HMCN1: variants seen among roughly 807,000 people sequenced by gnomAD.
HMCN1 encodes hemicentin 1, also known as hemicentin-1.
In HMCN1, 321 loss-of-function variants were observed where a neutral mutation model predicts 625.9. That is an observed-to-expected ratio of 0.51 (90% CI 0.47 to 0.56). The LOEUF (loss-of-function observed/expected upper bound fraction) is 0.56. HMCN1 is among the 20% of genes least tolerant of loss of function. The pLI, the probability that HMCN1 is intolerant of heterozygous loss-of-function variation, is 0.00. For missense variants in HMCN1, 6,588 were observed against 6,887.3 expected, an observed-to-expected ratio of 0.96 and a Z score of 1.54; for synonymous variants, 2,425 against 2,417.6, an observed-to-expected ratio of 1.00 and a Z score of -0.09.
intron 1 of HMCN1, among the ~76,000 whole-genome samples, chr1:185,831,379 A>G (rs1388342320): frequency 6.6e-6 from 1 of 152,192 alleles, no homozygotes; most frequent in Non-Finnish European, 1.5e-5. Context: ...TTAACAGGGA[A>G]TAGATATATA....
chr1:185,765,762 G>C (rs1375294647), intron 1 of HMCN1, among the ~76,000 whole-genome samples: 1 of 152,134 alleles, frequency 6.6e-6, no homozygotes, highest in South Asian at 2.1e-4. Flanking sequence ...GCATTAACTG[G>C]GAACTTAGTA....
chr1:186,129,664 G>A (rs1239189433), intron 83 of HMCN1, among the ~76,000 whole-genome samples: 1 of 145,292 alleles, frequency 6.9e-6, no homozygotes, highest in Non-Finnish European at 1.5e-5. Context: ...CTCAGACTAC[G>A]AGCCAGCTTT....
chr1:186,070,553 TG>T, intron 51 of HMCN1, 58 bp from the exon 52 acceptor site: 1 of 1,405,576 alleles, frequency 7.1e-7, no homozygotes, highest in Non-Finnish European at 1.0e-6. Context: ...GTGATTTCTG[TG>T]GTATTCCATG....
intron 1 of HMCN1, among the ~76,000 whole-genome samples, chr1:185,771,614 G>A (rs1656246021): frequency 6.6e-6 from 1 of 152,018 alleles, no homozygotes; most frequent in Non-Finnish European, 1.5e-5. Context: ...AGATGATATG[G>A]CCACTTATTA....
chr1:186,151,102 A>G, intron 93 of HMCN1, 98 bp from the exon 94 acceptor site: 3 of 1,205,062 alleles, frequency 2.5e-6, no homozygotes, highest in South Asian at 1.3e-5. Context: ...TGTTTGAGAA[A>G]AGATTTGTAG....
In HMCN1 at chr1:185,893,760, T is replaced by A. The variant is rs1322331131; in HGVS notation, c.622-15577T>A. Among the ~76,000 whole-genome samples, 39 of 152,218 alleles carry A rather than the reference T, an allele frequency of 2.6e-4. 1 individual carries two copies. The highest frequency in any genetic ancestry group is 2.6e-3 in the Admixed American group (39 of 15,284). On this transcript the variant is annotated intron_variant, in intron 4 of 106. Transcript: ENST00000271588. Reference sequence around the variant, plus strand: ...AAAGTGCTTTTATGAATTATTGTTATTTTTCTTTTATTTTAAACTTTTCAT... The same window carrying A: ...AAAGTGCTTTTATGAATTATTGTTAATTTTCTTTTATTTTAAACTTTTCAT...
At chr1:186,000,421 GACTTT>G (rs1488984804) in intron 26 of HMCN1, among the ~76,000 whole-genome samples, 182 bp downstream of exon 26, 1 of 151,808 alleles carries the variant, frequency 6.6e-6, no homozygotes, top group Non-Finnish European at 1.5e-5. Flanking sequence ...TTTTTATTGT[GACTTT>G]ACATCATTCA....
Position 186,087,919 on chromosome 1 carries a change from C to T in HMCN1, c.9364-13C>T, listed in dbSNP as rs772211062. The stretch of plus-strand genomic sequence containing the variant: ...CTTAATGGAGCACATACAATAGTAT[C>T]TTTTTCTTTTAGGTATCTGACACAG... On this transcript the variant is annotated splice_polypyrimidine_tract_variant and intron_variant, in intron 60 of 106. Coordinates refer to ENST00000271588, the MANE Select transcript of HMCN1 (RefSeq NM_031935.3). The T allele has an allele frequency of 6.2e-7, 1 of 1,604,548 alleles. No individual in the cohort carries two copies.
intron 15 of HMCN1, among the ~76,000 whole-genome samples, chr1:185,973,411 CAAGTT>C (rs769609859): frequency 3.9e-5 from 6 of 152,058 alleles, no homozygotes; most frequent in Admixed American, 6.6e-5. Context: ...GGGCTTGAGA[CAAGTT>C]AAGTACTAAG....
intron 1 of HMCN1, among the ~76,000 whole-genome samples, chr1:185,787,755 G>T (rs1435979689): frequency 6.6e-6 from 1 of 152,154 alleles, no homozygotes; most frequent in African/African-American, 2.4e-5. Context: ...CATCCGTTGT[G>T]TAATTCTATG....
chr1:185,931,251 A>T (rs966904415), intron 10 of HMCN1, among the ~76,000 whole-genome samples: 1 of 151,888 alleles, frequency 6.6e-6, no homozygotes, highest in East Asian at 1.9e-4. Flanking sequence ...CTCCCTCATT[A>T]TTGAGGTTTC....
At chr1:185,922,573 T>C (rs1667056170) in intron 7 of HMCN1, 74 bp downstream of exon 7, 1 of 1,375,032 alleles carries the variant, frequency 7.3e-7, no homozygotes, top group Non-Finnish European at 1.0e-6. Context: ...CTGTCTATAA[T>C]TTTATAATTT....
At chr1:185,910,408 C>T (rs1236963458) in intron 5 of HMCN1, among the ~76,000 whole-genome samples, 2 of 152,044 alleles carry the variant, frequency 1.3e-5, no homozygotes, top group Admixed American at 6.6e-5. Context: ...GCAATAACAT[C>T]CATGTTACCA....
At chr1:186,093,866 A>G (rs577887786) in intron 66 of HMCN1, among the ~76,000 whole-genome samples, 197 bp downstream of exon 66, 75 of 152,096 alleles carry the variant, frequency 4.9e-4, no homozygotes, top group African/African-American at 1.7e-3. Flanking sequence ...AAGTGCTTTC[A>G]TTTTTTAGTA....
In HMCN1 at chr1:186,067,934, T is replaced by C; in HGVS notation, c.7806T>C (p.Tyr2602=). 6.2e-7 allele frequency: 1 copy of C among 1,613,522 alleles called. No individual in the cohort carries two copies. The highest frequency in any genetic ancestry group is 2.2e-5 in the East Asian group (1 of 44,846). Residue 2602 remains tyrosine, a synonymous_variant, in exon 50 of 107, where the codon TAT becomes TAC. Coordinates refer to ENST00000271588, the MANE Select transcript of HMCN1 (RefSeq NM_031935.3). ...CTTTGGTCTGTGAAGCTTATTCATA[T>C]CCTCCAGCTACCATCACCTGGTTTA... ...PTSLVCEAYS[Y]PPATITWFKD...
chr1:185,763,852 A>G (rs559988391), intron 1 of HMCN1, among the ~76,000 whole-genome samples: 80 of 152,204 alleles, frequency 5.3e-4, no homozygotes, highest in Non-Finnish European at 8.8e-4. Context: ...GTGCTATAAC[A>G]TTTCTAACAT....
At position 186,062,645 on chromosome 1, in the gene HMCN1, G is replaced by T. The variant is rs74325252; in HGVS notation, c.7513+45G>T. The T allele has an allele frequency of 6.5e-3, 8,058 of 1,232,428 alleles. 231 individuals carry two copies. Among genetic ancestry groups the T allele is most frequent in the African/African-American group, 0.062 (4,184 of 67,302 alleles). 76.3% of individuals were successfully genotyped at this position (1,232,428 alleles called of 1,614,324 possible). A position where few individuals can be genotyped will look rare whatever the true frequency, so the allele number is the denominator to read the frequency against. On this transcript the variant is annotated intron_variant, in intron 48 of 106. Transcript: ENST00000271588. ...ACTTTTGGTGCTCCCCCCACTCACT[G>T]ATAGTCATTGCCTCCACTATATATC...
chr1:186,174,056 A>T (rs1319941851), intron 102 of HMCN1, among the ~76,000 whole-genome samples: 2 of 152,230 alleles, frequency 1.3e-5, no homozygotes, highest in African/African-American at 4.8e-5. Context: ...GCCTGCTGTT[A>T]TCACAAATAG....
At chr1:186,033,687 T>G (rs1230117462) in intron 36 of HMCN1, among the ~76,000 whole-genome samples, 1 of 152,200 alleles carries the variant, frequency 6.6e-6, no homozygotes, top group African/African-American at 2.4e-5. Context: ...GATTTAAAGT[T>G]TTTGTCTAGT....
Sources: gnomAD v4.1 joint callset for allele counts (sites outside exome capture counted in the v4.1 genomes callset) on GRCh38, gnomAD v4.1.1 for gene constraint, MANE v1.5 for transcripts, NCBI Gene and HGNC (gene_info 2026-07-23, HGNC 2026-07-21) for gene names.